The following SCFD2 variants were observed in gnomAD, a reference collection of about 807,000 sequenced individuals.
SCFD2 encodes sec1 family domain-containing protein 2.
SCFD2 carries 54 observed loss-of-function variants against 58.9 expected under a neutral mutation model. That is an observed-to-expected ratio of 0.92 (90% confidence interval 0.74 to 1.15). The LOEUF is 1.15. SCFD2 is among the 50% of genes most tolerant of loss of function. The probability of loss-of-function intolerance (pLI) is 0.00; values close to 1 mark genes in which losing one functional copy is unlikely to be tolerated. For missense variants in SCFD2, 805 were observed against 836.6 expected (o/e 0.96, Z 0.47); for synonymous variants, 321 against 335.9 (o/e 0.96, Z 0.49).
chr4:53,077,640 G>A (rs1724016649), intron 5 of SCFD2, among the ~76,000 whole-genome samples: 1 of 152,070 alleles, frequency 6.6e-6, no homozygotes, highest in South Asian at 2.1e-4. Context: ...GTTTCACCAT[G>A]TCAGCCAGGC....
intron 5 of SCFD2, among the ~76,000 whole-genome samples, chr4:52,937,945 T>C (rs1181524921): frequency 6.6e-6 from 1 of 152,208 alleles, no homozygotes; most frequent in Non-Finnish European, 1.5e-5. Flanking sequence ...TAAGCCGATG[T>C]TTAAATTTCA....
chr4:53,298,709 T>A (rs930944964), intron 3 of SCFD2, among the ~76,000 whole-genome samples: 1 of 152,148 alleles, frequency 6.6e-6, no homozygotes, highest in African/African-American at 2.4e-5. Context: ...AGCGGTGAAC[T>A]GACACCTCAC....
At chr4:53,119,030 G>C (rs1725401322) in intron 5 of SCFD2, among the ~76,000 whole-genome samples, 1 of 152,016 alleles carries the variant, frequency 6.6e-6, no homozygotes, top group Non-Finnish European at 1.5e-5. Flanking sequence ...CTAAAATCAA[G>C]TTTCTGTCTG....
chr4:52,892,507 C>T (rs549756735), intron 7 of SCFD2, among the ~76,000 whole-genome samples: 1 of 152,318 alleles, frequency 6.6e-6, no homozygotes, highest in African/African-American at 2.4e-5. Flanking sequence ...TCTTCCTATT[C>T]TTCTACTCCC....
At chr4:53,298,893 T>G (rs1732156942) in intron 3 of SCFD2, among the ~76,000 whole-genome samples, 1 of 152,086 alleles carries the variant, frequency 6.6e-6, no homozygotes, top group Non-Finnish European at 1.5e-5. Flanking sequence ...TCCTGACTGT[T>G]AGAAGGAAAA....
At chr4:53,005,175 C>A (rs1292317471) in intron 5 of SCFD2, among the ~76,000 whole-genome samples, 1 of 152,168 alleles carries the variant, frequency 6.6e-6, no homozygotes, top group Non-Finnish European at 1.5e-5. Context: ...GTTGGGATTA[C>A]AGGTGTGAGC....
intron 5 of SCFD2, among the ~76,000 whole-genome samples, chr4:53,126,945 G>T (rs1577752522): frequency 6.6e-6 from 1 of 152,246 alleles, no homozygotes; most frequent in South Asian, 2.1e-4. Flanking sequence ...CCATGTGTTG[G>T]CTGAATGGAG....
intron 5 of SCFD2, among the ~76,000 whole-genome samples, chr4:53,014,554 C>A (rs1289361074): frequency 1.3e-5 from 2 of 152,194 alleles, no homozygotes. Context: ...TCAGCTTATT[C>A]AGCATTTATC....
At chr4:53,346,862 T>A (rs530284067) in intron 2 of SCFD2, among the ~76,000 whole-genome samples, 1 of 152,212 alleles carries the variant, frequency 6.6e-6, no homozygotes, top group Non-Finnish European at 1.5e-5. Flanking sequence ...GTGAGAACCC[T>A]ACCTTAAGCT....
intron 4 of SCFD2, among the ~76,000 whole-genome samples, chr4:53,241,241 AC>A (rs926011891): frequency 8.3e-4 from 126 of 152,332 alleles, no homozygotes; most frequent in African/African-American, 3.0e-3. Context: ...AATTCCAGCC[AC>A]TGCAAAGCCC....
At chr4:53,054,546 A>G (rs570807012) in intron 5 of SCFD2, among the ~76,000 whole-genome samples, 1 of 152,262 alleles carries the variant, frequency 6.6e-6, no homozygotes, top group African/African-American at 2.4e-5. Context: ...ATTTTAACTA[A>G]TGTTTCATTT....
At chr4:53,259,775 G>A (rs1730773197) in intron 4 of SCFD2, among the ~76,000 whole-genome samples, 1 of 152,126 alleles carries the variant, frequency 6.6e-6, no homozygotes, top group Non-Finnish European at 1.5e-5. Flanking sequence ...TATTTTGACA[G>A]AAATTGCACT....
chr4:53,318,707 C>T (rs1416220614), intron 2 of SCFD2, among the ~76,000 whole-genome samples: 1 of 151,848 alleles, frequency 6.6e-6, no homozygotes, highest in Non-Finnish European at 1.5e-5. Context: ...TTTTGATAAT[C>T]AGGCCCACCC....
At chr4:52,885,241 C>T (rs1212930868) in intron 8 of SCFD2, among the ~76,000 whole-genome samples, 1 of 152,138 alleles carries the variant, frequency 6.6e-6, no homozygotes, top group African/African-American at 2.4e-5. Context: ...GGAGTTATCC[C>T]TCCATATCTG....
intron 5 of SCFD2, among the ~76,000 whole-genome samples, chr4:53,094,584 C>T (rs1323566048): frequency 6.6e-6 from 1 of 152,078 alleles, no homozygotes; most frequent in Non-Finnish European, 1.5e-5. Flanking sequence ...TAACATATAA[C>T]ATCAGGAGGA....
At chr4:53,156,494 A>G (rs1262547977) in intron 4 of SCFD2, among the ~76,000 whole-genome samples, 6 of 151,948 alleles carry the variant, frequency 3.9e-5, no homozygotes, top group Non-Finnish European at 7.4e-5. Context: ...TCAGGAGATC[A>G]AGACCATCCT....
chr4:52,977,350 C>T (rs948305340), intron 5 of SCFD2, among the ~76,000 whole-genome samples: 2 of 152,178 alleles, frequency 1.3e-5, no homozygotes, highest in Non-Finnish European at 2.9e-5. Flanking sequence ...GAGCTTAGGA[C>T]ATCCTTTCTA....
At chr4:52,932,038 T>C (rs1294597133) in intron 5 of SCFD2, among the ~76,000 whole-genome samples, 1 of 152,192 alleles carries the variant, frequency 6.6e-6, no homozygotes, top group Non-Finnish European at 1.5e-5. Flanking sequence ...CTGTGAAGGA[T>C]GACATCAGGT....
intron 5 of SCFD2, among the ~76,000 whole-genome samples, chr4:53,102,376 C>A (rs1488895660): frequency 2.6e-5 from 4 of 151,992 alleles, no homozygotes; most frequent in Non-Finnish European, 5.9e-5. Flanking sequence ...GACTAAAAAT[C>A]CAGATGCAGT....
Sources: gnomAD v4.1 joint callset for allele counts (sites outside exome capture counted in the v4.1 genomes callset) on GRCh38, gnomAD v4.1.1 for gene constraint, MANE v1.5 for transcripts, NCBI Gene and HGNC (gene_info 2026-07-23, HGNC 2026-07-21) for gene names.